Variants in CFAP299 observed in about 807,000 individuals in gnomAD.
CFAP299 encodes the protein cilia- and flagella-associated protein 299.
In CFAP299, 21 loss-of-function variants were observed where a neutral mutation model predicts 27.0. The ratio of observed to expected loss-of-function variants is 0.78; its 90% CI spans 0.55 to 1.12. The LOEUF (loss-of-function observed/expected upper bound fraction) is 1.12, where lower values mean the gene tolerates loss of function less well. Among genes scored for constraint, CFAP299 ranks in the 50% most tolerant of loss-of-function variants. The pLI is 0.00. For missense variants in CFAP299, 310 were observed against 276.6 expected, an observed-to-expected ratio of 1.12 and a Z score of -0.86; for synonymous variants, 104 against 98.1, an observed-to-expected ratio of 1.06 and a Z score of -0.36.
At chr4:80,340,251 C>T (rs1722377606) in intron 1 of CFAP299, among the ~76,000 whole-genome samples, 1 of 152,186 alleles carries the variant, frequency 6.6e-6, no homozygotes, top group African/African-American at 2.4e-5. Flanking sequence ...AGTGATTGTG[C>T]AACCCTGCCT....
intron 4 of CFAP299, among the ~76,000 whole-genome samples, chr4:80,879,601 T>C (rs1420295221): frequency 1.3e-5 from 2 of 152,326 alleles, no homozygotes; most frequent in Non-Finnish European, 2.9e-5. Context: ...ACACTCGGCA[T>C]TTTTACTTTC....
chr4:80,355,323 G>A (rs1418254944), intron 1 of CFAP299, among the ~76,000 whole-genome samples: 2 of 136,798 alleles, frequency 1.5e-5, no homozygotes, highest in Admixed American at 7.3e-5. Flanking sequence ...TCACATGTAT[G>A]TCTTCTTTTG....
At chr4:80,366,155 T>C (rs1359714922) in intron 2 of CFAP299, among the ~76,000 whole-genome samples, 1 of 152,188 alleles carries the variant, frequency 6.6e-6, no homozygotes, top group African/African-American at 2.4e-5. Context: ...CCTATATTTG[T>C]TGGAGGATCA....
chr4:80,586,076 C>T (rs1238269114), intron 3 of CFAP299, among the ~76,000 whole-genome samples: 2 of 151,990 alleles, frequency 1.3e-5, no homozygotes, highest in East Asian at 3.9e-4. Context: ...GACTGAAGTT[C>T]CAGACTCACT....
chr4:80,826,823 T>C (rs1730014324), intron 3 of CFAP299, among the ~76,000 whole-genome samples: 1 of 151,892 alleles, frequency 6.6e-6, no homozygotes, highest in Non-Finnish European at 1.5e-5. Context: ...TAAATCTCAG[T>C]AGATTTTAAA....
intron 4 of CFAP299, among the ~76,000 whole-genome samples, chr4:80,873,762 A>T (rs937360976): frequency 6.6e-6 from 1 of 152,234 alleles, no homozygotes; most frequent in Non-Finnish European, 1.5e-5. Context: ...ATATATTTGC[A>T]TACATTTCCA....
intron 3 of CFAP299, among the ~76,000 whole-genome samples, chr4:80,588,843 C>T (rs1425213919): frequency 2.6e-5 from 4 of 152,146 alleles, no homozygotes; most frequent in African/African-American, 9.7e-5. Flanking sequence ...TATCCTTGAA[C>T]TCTTAATATT....
chr4:80,633,568 C>G lies in CFAP299; in HGVS notation c.333+50385C>G, dbSNP rs181005342. On this transcript the variant is annotated intron_variant, in intron 3 of 5. Transcript: ENST00000358105. ...CTTATGTCTTGCTATAATTTGCCAT[C>G]TTAAGAGACAATTTTCTAGAGGAAA... Among the ~76,000 whole-genome samples the G allele has an allele frequency of 1.3e-5, 2 of 152,252 alleles. 1 individual carries two copies. The highest frequency in any genetic ancestry group is 1.3e-4 in the Admixed American group (2 of 15,276).
At chr4:80,585,629 T>C (rs1560639192) in intron 3 of CFAP299, among the ~76,000 whole-genome samples, 1 of 152,136 alleles carries the variant, frequency 6.6e-6, no homozygotes, top group African/African-American at 2.4e-5. Flanking sequence ...GCTACTGAGA[T>C]GAAGGTGATG....
At chr4:80,960,012 TTAAA>T (rs1389329812) in intron 5 of CFAP299, among the ~76,000 whole-genome samples, 7 of 151,856 alleles carry the variant, frequency 4.6e-5, no homozygotes, top group African/African-American at 1.7e-4. Context: ...ATTCTTTTCC[TTAAA>T]TAATCAGGGA....
chr4:80,891,779 A>T (rs375281179), intron 4 of CFAP299, among the ~76,000 whole-genome samples: 2,572 of 81,970 alleles, frequency 0.031, 95 homozygotes, highest in African/African-American at 0.13. Flanking sequence ...AAAAAAAATT[A>T]AAAAAAAAAT....
intron 3 of CFAP299, among the ~76,000 whole-genome samples, chr4:80,680,941 G>A (rs902281040): frequency 2.0e-5 from 3 of 152,120 alleles, no homozygotes; most frequent in African/African-American, 7.2e-5. Context: ...TCAGTGTCAA[G>A]GATCATGTTT....
chr4:80,523,597 G>A (rs1578551657), intron 2 of CFAP299, among the ~76,000 whole-genome samples: 1 of 152,064 alleles, frequency 6.6e-6, no homozygotes, highest in South Asian at 2.1e-4. Context: ...CATTCAATCC[G>A]TTGAGTTCAA....
intron 3 of CFAP299, among the ~76,000 whole-genome samples, chr4:80,659,015 A>G (rs573592438): frequency 5.9e-5 from 9 of 152,288 alleles, no homozygotes; most frequent in South Asian, 2.1e-4. Flanking sequence ...AGACCATGCC[A>G]AAAGTTAAAG....
chr4:80,910,012 A>G (rs577776369), intron 4 of CFAP299, among the ~76,000 whole-genome samples: 45 of 152,274 alleles, frequency 3.0e-4, no homozygotes, highest in Non-Finnish European at 5.7e-4. Context: ...ATTTATATCT[A>G]AATTCAATAT....
At chr4:80,798,289 G>A (rs189637613) in intron 3 of CFAP299, among the ~76,000 whole-genome samples, 137 of 152,192 alleles carry the variant, frequency 9.0e-4, no homozygotes, top group African/African-American at 3.2e-3. Flanking sequence ...TTGGCCTCAG[G>A]CAGTACAGGG....
chr4:80,899,782 A>C (rs552709249), intron 4 of CFAP299, among the ~76,000 whole-genome samples: 1 of 152,308 alleles, frequency 6.6e-6, no homozygotes, highest in South Asian at 2.1e-4. Flanking sequence ...ACATTGGGCA[A>C]GTTACCTGGC....
intron 3 of CFAP299, among the ~76,000 whole-genome samples, chr4:80,799,704 TA>T (rs1728212028): frequency 5.5e-5 from 3 of 54,866 alleles, no homozygotes; most frequent in Non-Finnish European, 8.7e-5. Context: ...ATATAAAATA[TA>T]TATTTTATAT....
chr4:80,670,700 A>G lies in CFAP299; in HGVS notation c.333+87517A>G, dbSNP rs34966744. Among the ~76,000 whole-genome samples, 728 of 152,296 alleles carry G rather than the reference A, an allele frequency of 4.8e-3. 28 individuals are homozygous for G. In the East Asian group the frequency reaches 0.087, roughly 18 times the overall value. ...ACCATTCTAACTGGTGTGAGATGGTATCTCATTGTGGTTTTGATTTGCATT... is the reference window on the plus strand; with the variant it reads ...ACCATTCTAACTGGTGTGAGATGGTGTCTCATTGTGGTTTTGATTTGCATT... On this transcript the variant is annotated intron_variant, in intron 3 of 5. Coordinates refer to ENST00000358105, the MANE Select transcript of CFAP299 (RefSeq NM_152770.3).
Sources: gnomAD v4.1 joint callset for allele counts (sites outside exome capture counted in the v4.1 genomes callset) on GRCh38, gnomAD v4.1.1 for gene constraint, MANE v1.5 for transcripts, NCBI Gene and HGNC (gene_info 2026-07-23, HGNC 2026-07-21) for gene names.